GLB1: variants seen among roughly 807,000 people sequenced by gnomAD.
GLB1 encodes galactosidase beta 1.
GLB1 carries 56 observed loss-of-function variants against 74.0 expected under a neutral mutation model. The ratio of observed to expected loss-of-function variants is 0.76; its 90% CI spans 0.61 to 0.94. The LOEUF (loss-of-function observed/expected upper bound fraction) is 0.94. Ranked by LOEUF, GLB1 falls within the 40% of genes least tolerant of loss-of-function variation. The pLI, the probability that GLB1 is intolerant of heterozygous loss-of-function variation, is 0.00. For missense variants in GLB1, 787 were observed against 845.5 expected (o/e 0.93, Z 0.86); for synonymous variants, 323 against 323.6 (o/e 1.00, Z 0.02).
At chr3:33,050,604 T>C (rs922787288) in intron 9 of GLB1, among the ~76,000 whole-genome samples, 1 of 152,200 alleles carries the variant, frequency 6.6e-6, no homozygotes, top group Non-Finnish European at 1.5e-5. Flanking sequence ...ACAGAAAGTA[T>C]ATTATTTCCA....
At chr3:33,095,216 A>G (rs1700967909) in intron 1 of GLB1, among the ~76,000 whole-genome samples, 1 of 108,254 alleles carries the variant, frequency 9.2e-6, no homozygotes, top group Non-Finnish European at 2.1e-5. Context: ...GTCTCAAAAA[A>G]AAAAAAAAAA....
At chr3:33,024,415 G>T (rs1056017899) in intron 10 of GLB1, 90 bp from the exon 11 acceptor site, 2 of 1,397,494 alleles carry the variant, frequency 1.4e-6, no homozygotes, top group Non-Finnish European at 1.9e-6. Flanking sequence ...TGAAAGCAAG[G>T]TCAAAGACTC....
At position 33,058,273 on chromosome 3, in the gene GLB1, T is replaced by C. The variant is rs757674446; in HGVS notation, c.553-4A>G. ...AGCTGCCATATTCATTTTCAACCTG[T>C]GAGTGAAAAAAGAGCAGGGAAAAAT... On this transcript the variant is annotated splice_polypyrimidine_tract_variant and splice_region_variant and intron_variant, in intron 5 of 15. Coordinates refer to ENST00000307363, the MANE Select transcript of GLB1 (RefSeq NM_000404.4). 3.7e-6 allele frequency: 6 copies of C among 1,613,954 alleles called. No homozygotes were observed. Among genetic ancestry groups the C allele is most frequent in the Non-Finnish European group, 4.2e-6 (5 of 1,179,978 alleles).
At chr3:33,092,838 G>A in intron 1 of GLB1, 1 of 1,598,384 alleles carries the variant, frequency 6.3e-7, no homozygotes, top group Non-Finnish European at 8.5e-7. Flanking sequence ...GCCAGTTCAG[G>A]GAGACCGCTG....
At chr3:33,028,695 C>T (rs985480014) in intron 10 of GLB1, among the ~76,000 whole-genome samples, 35 of 144,012 alleles carry the variant, frequency 2.4e-4, no homozygotes, top group Non-Finnish European at 4.8e-4. Context: ...TACGGAGTTT[C>T]GCTCTTGTTG....
At chr3:33,020,137 T>C (rs1477992265) in intron 12 of GLB1, among the ~76,000 whole-genome samples, 1 of 152,198 alleles carries the variant, frequency 6.6e-6, no homozygotes, top group African/African-American at 2.4e-5. Context: ...ATGTGGGTGC[T>C]AGGACTGCAG....
In GLB1 at chr3:33,035,656, T is replaced by C. The variant is rs148776963; in HGVS notation, c.1068+10464A>G. 1.1e-3 allele frequency among the ~76,000 whole-genome samples: 172 copies of C among 152,302 alleles called. 1 individual carries two copies. The highest frequency in any genetic ancestry group is 4.1e-3 in the African/African-American group (170 of 41,574). On this transcript the variant is annotated intron_variant, in intron 10 of 15. Transcript: ENST00000307363. ...AATTAGAAGTCAGTGCTCTGCAATG[T>C]GGAAGAGGACCCTCGCCAGAACCTA...
At chr3:32,987,106 C>A in the GLB1 span, among the ~76,000 whole-genome samples, 1 of 152,154 alleles carries the variant, frequency 6.6e-6, no homozygotes, top group African/African-American at 2.4e-5. Flanking sequence ...CAATTCCCTA[C>A]TACCTCCCCA....
intron 1 of GLB1, among the ~76,000 whole-genome samples, chr3:33,095,210 CAAAAAAAAAAAAAAA>C (rs71630565): frequency 1.3e-5 from 1 of 75,888 alleles, no homozygotes; most frequent in Non-Finnish European, 2.4e-5. Context: ...GACTCTGTCT[CAAAAAAAAAAAAAAA>C]AAAAAAAAAA....
At chr3:33,064,510 C>T (rs1344872977) in intron 5 of GLB1, among the ~76,000 whole-genome samples, 2 of 149,490 alleles carry the variant, frequency 1.3e-5, no homozygotes, top group African/African-American at 2.5e-5. Context: ...GGCACGGTGG[C>T]TCACGCCTGT....
intron 5 of GLB1, among the ~76,000 whole-genome samples, chr3:33,064,781 A>AAAAAAAAG (rs1261076802): frequency 1.3e-5 from 2 of 150,584 alleles, no homozygotes; most frequent in East Asian, 3.9e-4. Flanking sequence ...TCTCTCAAAA[A>AAAAAAAAG]AAAAAAAAAA....
At chr3:33,064,304 G>A (rs555194897) in intron 5 of GLB1, among the ~76,000 whole-genome samples, 199 of 151,208 alleles carry the variant, frequency 1.3e-3, no homozygotes, top group Non-Finnish European at 2.3e-3. Context: ...GCCAGGCATC[G>A]TGGTGCACGC....
chr3:32,994,010 G>GT (rs1014391249), downstream of GLB1, among the ~76,000 whole-genome samples: 6 of 152,134 alleles, frequency 3.9e-5, no homozygotes, highest in Admixed American at 3.9e-4. Flanking sequence ...TTCTGAAATT[G>GT]TTTAACAGTT....
chr3:32,964,837 T>C, the GLB1 span, among the ~76,000 whole-genome samples: 1 of 152,204 alleles, frequency 6.6e-6, no homozygotes, highest in African/African-American at 2.4e-5. Flanking sequence ...CCACGTGTCA[T>C]GGGAGGGACC....
the GLB1 span, among the ~76,000 whole-genome samples, chr3:32,981,409 A>AAAAAG: frequency 2.7e-5 from 4 of 148,914 alleles, no homozygotes; most frequent in African/African-American, 7.5e-5. Flanking sequence ...CAAAAAAAAA[A>AAAAAG]AAAAAAAGAA....
At chr3:33,095,037 C>T (rs530522482) in intron 1 of GLB1, among the ~76,000 whole-genome samples, 20 of 152,010 alleles carry the variant, frequency 1.3e-4, no homozygotes, top group Admixed American at 1.3e-3. Flanking sequence ...ATGGTAAAAC[C>T]CTGTCTCTAC....
In GLB1 at chr3:33,021,533, A is replaced by G; in HGVS notation, c.1233+33T>C. On this transcript the variant is annotated intron_variant, in intron 12 of 15. Transcript: ENST00000307363. ...GCAGAAAGCACACTTTTGCAAGTAG[A>G]AAAAAGGCGAGGCATTACCTTTGAA... 1.9e-6 allele frequency: 3 copies of G among 1,605,688 alleles called. No individual in the cohort carries two copies. In the South Asian group the frequency reaches 3.3e-5, roughly 18 times the overall value.
chr3:33,014,058 T>C lies in GLB1; in HGVS notation c.1732A>G (p.Lys578Glu), dbSNP rs758921331. The C allele has an allele frequency of 1.2e-6, 2 of 1,614,208 alleles. No homozygotes were observed. Among genetic ancestry groups the C allele is most frequent in the Non-Finnish European group, 1.7e-6 (2 of 1,180,040 alleles). The change falls in exon 15 of 16, where the codon AAG (lysine) becomes GAG (glutamate). Residue 578 changes from lysine (K) to glutamate (E), a missense_variant and splice_region_variant. By Grantham distance (56) the Lys-to-Glu change is moderately conservative. Transcript: ENST00000307363. ...ACCCTTCCCATGAAGACACGTACCT[T>C]GGTCCATCCAGGAAACTGGATAAAG... is the stretch of plus-strand genomic sequence containing the variant. ...DTFIQFPGWT[K>E]GQVWINGFNL...
intron 1 of GLB1, chr3:33,090,826 A>G (rs564724314): frequency 2.0e-6 from 2 of 985,428 alleles, no homozygotes; most frequent in Non-Finnish European, 2.4e-6. Flanking sequence ...CTGCTAATAG[A>G]AAGCAATCAG....
Sources: allele counts gnomAD v4.1 joint callset (sites outside exome capture counted in the v4.1 genomes callset), GRCh38; gene constraint gnomAD v4.1.1; transcripts MANE v1.5; gene names NCBI Gene and HGNC (gene_info 2026-07-23, HGNC 2026-07-21).